The following SHPRH variants were observed in gnomAD, a reference collection of about 807,000 sequenced individuals.
SHPRH encodes SNF2 histone linker PHD RING helicase.
Under a neutral mutation model 202.5 loss-of-function variants are expected in SHPRH, and 106 were observed. The observed-to-expected ratio is 0.52, with a 90% CI of 0.45 to 0.62. The LOEUF is 0.62. Among genes scored for constraint, SHPRH ranks in the 20% least tolerant of loss-of-function variants. The pLI is 0.00. For synonymous variants in SHPRH, 729 were observed against 686.0 expected (o/e 1.06, Z -0.98); for missense variants, 1,710 against 2,020.0 (o/e 0.85, Z 2.94).
At chr6:145,925,204 T>G (rs1784756069) in intron 16 of SHPRH, among the ~76,000 whole-genome samples, 1 of 151,820 alleles carries the variant, frequency 6.6e-6, no homozygotes. Context: ...CTAATTTAGT[T>G]ATTAAAATTC....
intron 2 of SHPRH, chr6:145,864,620 T>G (rs1333734707): frequency 5.9e-6 from 1 of 169,448 alleles, no homozygotes; most frequent in Non-Finnish European, 1.4e-5. Flanking sequence ...TTTTTTTTTT[T>G]TTTGGGTAAG....
intron 19 of SHPRH, 63 bp from the exon 20 acceptor site, chr6:145,922,411 G>C: frequency 6.7e-7 from 1 of 1,494,710 alleles, no homozygotes; most frequent in Non-Finnish European, 9.0e-7. Context: ...TAATTTTAAG[G>C]AGAAGCTTAA....
At chr6:145,883,081 C>A (rs932527119), downstream of SHPRH, 1 of 151,866 alleles carries the variant, frequency 6.6e-6, no homozygotes, top group African/African-American at 2.4e-5. Context: ...GAAAGGCAGA[C>A]CATTTAAAAA....
rs1346723966 is a variant in SHPRH, at chr6:145,935,417, A to G, written c.2594T>C (p.Leu865Pro). ...LEDLFGLVVF[L>P]GIEPYCVKHW... ...TTTGACACAGTAAGGTTCAATACCA[A>G]GAAAGACCACTAACCCAAAAAGATC... Residue 865 changes from leucine to proline, a missense_variant, in exon 12 of 30, where the codon CTT becomes CCT. Around this residue, in one of 8 missense-constraint regions of SHPRH, gnomAD observed 277 missense variants for 363.0 expected, o/e 0.76. Transcript: ENST00000275233. 3 of 1,613,884 alleles carry G rather than the reference A, an allele frequency of 1.9e-6. No homozygotes were observed. The highest frequency in any genetic ancestry group is 2.5e-6 in the Non-Finnish European group (3 of 1,179,960).
exon 3 of SHPRH, chr6:145,864,428 G>C (rs1421530224): frequency 2.5e-6 from 1 of 403,652 alleles, no homozygotes; most frequent in Non-Finnish European, 5.3e-6. Flanking sequence ...CAGTTGTCAG[G>C]GACCAGGGGT....
At chr6:145,924,501 A>C (rs1438079260) in intron 17 of SHPRH, among the ~76,000 whole-genome samples, 1 of 151,930 alleles carries the variant, frequency 6.6e-6, no homozygotes, top group African/African-American at 2.4e-5. Flanking sequence ...GGTAAGAGAA[A>C]ACCCATGAGT....
At chr6:145,931,052 A>G (rs1440726521) in intron 14 of SHPRH, among the ~76,000 whole-genome samples, 1 of 152,170 alleles carries the variant, frequency 6.6e-6, no homozygotes, top group African/African-American at 2.4e-5. Flanking sequence ...TGATAGAAAT[A>G]TAGTGGCTTT....
At chr6:145,950,801 C>A (rs1439022743) in intron 3 of SHPRH, among the ~76,000 whole-genome samples, 3 of 152,038 alleles carry the variant, frequency 2.0e-5, no homozygotes, top group African/African-American at 7.2e-5. Flanking sequence ...CTGGTCCTTT[C>A]CCCAGGGTAA....
chr6:145,904,073 A>G (rs1782737047), intron 25 of SHPRH: 2 of 152,086 alleles, frequency 1.3e-5, no homozygotes, highest in Admixed American at 1.3e-4. Context: ...ACATTGTAAA[A>G]TCTCTTATTT....
At chr6:145,890,761 T>C (rs1314354181) in intron 28 of SHPRH, among the ~76,000 whole-genome samples, 3 of 152,182 alleles carry the variant, frequency 2.0e-5, no homozygotes, top group Non-Finnish European at 4.4e-5. Context: ...CCAAATCTGC[T>C]CTACCCTGTA....
downstream of SHPRH, among the ~76,000 whole-genome samples, chr6:145,863,267 G>A (rs1284720249): frequency 6.6e-6 from 1 of 152,178 alleles, no homozygotes; most frequent in African/African-American, 2.4e-5. Flanking sequence ...TTGAAAATGA[G>A]AGACGTGATT....
chr6:145,889,880 A>G (rs575098434), intron 28 of SHPRH, among the ~76,000 whole-genome samples: 10 of 152,250 alleles, frequency 6.6e-5, no homozygotes, highest in African/African-American at 2.2e-4. Flanking sequence ...AATAAAAGGG[A>G]AGGCATATGA....
intron 2 of SHPRH, among the ~76,000 whole-genome samples, chr6:145,868,510 T>C (rs1562269167): frequency 6.6e-6 from 1 of 152,194 alleles, no homozygotes; most frequent in Non-Finnish European, 1.5e-5. Flanking sequence ...TAACTTTTGT[T>C]GAATGTTATT....
intron 4 of SHPRH, 81 bp from the exon 5 acceptor site, chr6:145,948,431 C>T (rs1351915079): frequency 1.9e-6 from 2 of 1,073,452 alleles, no homozygotes; most frequent in Middle Eastern, 2.5e-4. Context: ...AATAGGTTAA[C>T]AGTGAGGATA....
intron 8 of SHPRH, among the ~76,000 whole-genome samples, chr6:145,945,105 G>A (rs1562358792): frequency 6.6e-6 from 1 of 151,980 alleles, no homozygotes; most frequent in South Asian, 2.1e-4. Context: ...TCTATAATAC[G>A]CTTAGCCAAC....
chr6:145,910,743 T>G, intron 24 of SHPRH, 107 bp from the exon 25 acceptor site: 1 of 1,104,736 alleles, frequency 9.1e-7, no homozygotes, highest in Non-Finnish European at 1.2e-6. Flanking sequence ...TTCATAACAT[T>G]AATATTCTTT....
At chr6:145,908,242 T>C (rs969501478) in intron 25 of SHPRH, 5 of 152,186 alleles carry the variant, frequency 3.3e-5, no homozygotes, top group African/African-American at 4.8e-5. Flanking sequence ...TATATGTCTT[T>C]ATAGCAGAAT....
intron 16 of SHPRH, 142 bp from the exon 17 acceptor site, chr6:145,924,988 A>T: frequency 2.0e-6 from 1 of 496,162 alleles, no homozygotes; most frequent in Non-Finnish European, 3.3e-6. Context: ...TACTGTAGAG[A>T]ACATAAAAGT....
In SHPRH at chr6:145,951,648, T is replaced by C. The variant is rs1438392841; in HGVS notation, c.763+701A>G. On this transcript the variant is annotated intron_variant, in intron 3 of 29. Transcript: ENST00000275233. ...ATTTCCTAATTTAAAGTATCTAACT[T>C]GCAAAACGATTTACTATTACTGATA... 19 of 312,516 alleles carry C rather than the reference T, an allele frequency of 6.1e-5. No individual in the cohort carries two copies. In the East Asian group the frequency reaches 1.2e-3, roughly 20 times the overall value. 19.4% of individuals were successfully genotyped at this position (312,516 alleles called of 1,614,324 possible). A position where few individuals can be genotyped will look rare whatever the true frequency, so the allele number is the denominator to read the frequency against.
Sources: allele counts gnomAD v4.1 joint callset (sites outside exome capture counted in the v4.1 genomes callset), GRCh38; gene constraint gnomAD v4.1.1; regional missense constraint gnomAD v4.1.1; transcripts MANE v1.5; gene names NCBI Gene and HGNC (gene_info 2026-07-23, HGNC 2026-07-21).